The following UBAP2L variants were observed in gnomAD, a reference collection of about 807,000 sequenced individuals.
UBAP2L encodes the protein ubiquitin associated protein 2 like, also known as ubiquitin-associated protein 2-like.
UBAP2L carries 12 observed loss-of-function variants against 130.6 expected under a neutral mutation model. The ratio of observed to expected loss-of-function variants is 0.09; its 90% confidence interval spans 0.06 to 0.15. The LOEUF is 0.15. Among genes scored for constraint, UBAP2L ranks in the 10% least tolerant of loss-of-function variants. The pLI is 1.00. For synonymous variants in UBAP2L, 503 were observed against 524.7 expected (o/e 0.96, Z 0.57); for missense variants, 965 against 1,332.5 (o/e 0.72, Z 4.29).
At chr1:154,227,183 GA>G (rs1558118234) in intron 2 of UBAP2L, 98 bp from the exon 3 acceptor site, 1 of 1,007,576 alleles carries the variant, frequency 9.9e-7, no homozygotes. Context: ...TTGTTACAAG[GA>G]AAAGAAAATT....
downstream of UBAP2L, chr1:154,271,045 C>T: frequency 1.7e-6 from 2 of 1,156,494 alleles, no homozygotes; most frequent in Non-Finnish European, 1.2e-6. Flanking sequence ...GAGGGGATTT[C>T]CTTCCCCTCA....
intron 26 of UBAP2L, among the ~76,000 whole-genome samples, chr1:154,269,999 C>T (rs1276834004): frequency 6.6e-6 from 1 of 152,104 alleles, no homozygotes. Context: ...CATCTTTTCC[C>T]TATTTAAAAG....
intron 9 of UBAP2L, among the ~76,000 whole-genome samples, chr1:154,242,235 A>G (rs1000599769): frequency 1.3e-5 from 2 of 152,200 alleles, no homozygotes; most frequent in South Asian, 2.1e-4. Context: ...TATGGTTTTC[A>G]GTGATCATGG....
At chr1:154,248,926 G>C (rs957952027) in intron 11 of UBAP2L, among the ~76,000 whole-genome samples, 1 of 152,170 alleles carries the variant, frequency 6.6e-6, no homozygotes, top group Non-Finnish European at 1.5e-5. Context: ...TTTTTTTAGT[G>C]ATTACTATGT....
chr1:154,249,204 C>T, intron 11 of UBAP2L, 35 bp from the exon 12 acceptor site: 1 of 1,607,560 alleles, frequency 6.2e-7, no homozygotes, highest in Non-Finnish European at 8.5e-7. Context: ...AGGTTACTGG[C>T]TGTAGGTTTC....
At chr1:154,221,148 T>G (rs1665821115) in intron 1 of UBAP2L, 173 bp downstream of exon 1, 4 of 142,156 alleles carry the variant, frequency 2.8e-5, no homozygotes, top group Non-Finnish European at 3.1e-5. Context: ...ACACCGTGTG[T>G]TCCCCCACTG....
Position 154,261,043 on chromosome 1 carries a change from C to T in UBAP2L, c.2730C>T (p.Ser910=). Residue 910 remains serine (S), a synonymous_variant, in exon 23 of 27, where the codon AGC becomes AGT. Transcript: ENST00000428931. ...TGCCTCCTGGCTACAGTTACACCAG[C>T]CTGCCATACTATACAGGGGTCCCGG... ...PALPPGYSYT[S]LPYYTGVPGL... 1 of 1,614,228 alleles carries T rather than the reference C, an allele frequency of 6.2e-7. No homozygotes were observed. The highest frequency in any genetic ancestry group is 1.3e-5 in the African/African-American group (1 of 75,058).
intron 11 of UBAP2L, 63 bp downstream of exon 11, chr1:154,246,438 G>GTTCC: frequency 6.6e-7 from 1 of 1,523,362 alleles, no homozygotes; most frequent in Non-Finnish European, 8.9e-7. Context: ...CACATACACA[G>GTTCC]TTCCTTCCAA....
intron 9 of UBAP2L, chr1:154,242,933 T>C (rs1455830348): frequency 1.1e-4 from 17 of 151,594 alleles, no homozygotes; most frequent in Non-Finnish European, 2.3e-4. Flanking sequence ...CTTTCTTTTA[T>C]TTTTTTTTTT....
intron 3 of UBAP2L, 131 bp from the exon 4 acceptor site, chr1:154,228,484 G>A (rs1487343921): frequency 1.1e-5 from 7 of 636,396 alleles, no homozygotes; most frequent in South Asian, 9.3e-5. Flanking sequence ...ACTGTGCCCA[G>A]CCCTCATCTT....
rs1315342836 is a variant in UBAP2L at position 154,266,519 on chromosome 1, G to A, written c.2921G>A (p.Ser974Asn). ...GYNTGVSVTS[S>N]NTGVPDISGS... ...CCCCCAGGTGTTTCAGTCACCTCCA[G>A]TAACACGGGCGTGCCAGATATCTCG... Residue 974 changes from serine to asparagine, a missense_variant, in exon 25 of 27, where the codon AGT (serine) becomes AAT (asparagine). Around this residue, in one of 9 missense-constraint regions of UBAP2L, gnomAD observed 194 missense variants for 334.0 expected, o/e 0.58. Coordinates refer to ENST00000428931, the MANE Select transcript of UBAP2L (RefSeq NM_014847.4). 1 of 1,614,176 alleles carries A rather than the reference G, an allele frequency of 6.2e-7. No homozygotes were observed. Among genetic ancestry groups the A allele is most frequent in the Non-Finnish European group, 8.5e-7 (1 of 1,180,026 alleles).
chr1:154,263,064 A>G, intron 24 of UBAP2L: 1 of 1,547,880 alleles, frequency 6.5e-7, no homozygotes, highest in Non-Finnish European at 8.7e-7. Context: ...GGCTTTTGTC[A>G]TTCCATTCAT....
At chr1:154,253,543 G>A (rs556887491) in intron 14 of UBAP2L, among the ~76,000 whole-genome samples, 5 of 151,738 alleles carry the variant, frequency 3.3e-5, no homozygotes, top group African/African-American at 1.2e-4. Flanking sequence ...CACCATGCCC[G>A]GCTAATTTTT....
downstream of UBAP2L, chr1:154,271,127 C>A (rs1684659290): frequency 1.6e-6 from 1 of 612,230 alleles, no homozygotes; most frequent in Non-Finnish European, 2.8e-6. Flanking sequence ...GAAACTGCTA[C>A]ATCTACAGCC....
At position 154,253,983 on chromosome 1, in the gene UBAP2L, C is replaced by T. The variant is rs1189917182; in HGVS notation, c.1748C>T (p.Ser583Phe). Residue 583 changes from serine (S) to phenylalanine (F), a missense_variant, in exon 15 of 27, where the codon TCC becomes TTC. By Grantham distance (155) the Ser-to-Phe change is radical (BLOSUM62 -2). This residue lies in a region of UBAP2L where 393 missense variants were observed against 408.1 expected (regional missense o/e 0.96). Transcript: ENST00000428931. ...SGPIQSTTYT[S>F]QNNAQGPLYE... The stretch of plus-strand genomic sequence containing the variant: ...CCAATTCAGTCGACAACCTATACCT[C>T]CCAAAATAATGCTCAGGGCCCTCTT... 1.9e-6 allele frequency: 3 copies of T among 1,613,978 alleles called. No individual in the cohort carries two copies. Among genetic ancestry groups the T allele is most frequent in the Admixed American group, 1.7e-5 (1 of 59,990 alleles).
intron 16 of UBAP2L, 41 bp from the exon 17 acceptor site, chr1:154,255,110 CT>C (rs1267952459): frequency 1.9e-6 from 3 of 1,605,304 alleles, no homozygotes; most frequent in African/African-American, 1.3e-5. Flanking sequence ...TAGACATTCC[CT>C]TTTTTCTGAT....
intron 1 of UBAP2L, among the ~76,000 whole-genome samples, chr1:154,223,259 T>G (rs1430990475): frequency 6.6e-6 from 1 of 152,202 alleles, no homozygotes; most frequent in African/African-American, 2.4e-5. Flanking sequence ...ATCTGACTGG[T>G]ACAGTATATG....
intron 15 of UBAP2L, chr1:154,254,585 A>G (rs932345885): frequency 2.2e-5 from 12 of 556,016 alleles, no homozygotes; most frequent in Admixed American, 1.8e-4. Flanking sequence ...GGTGTCTTCA[A>G]CAATTTGTAG....
At chr1:154,253,200 C>T (rs904377329) in intron 14 of UBAP2L, among the ~76,000 whole-genome samples, 18 of 151,880 alleles carry the variant, frequency 1.2e-4, no homozygotes, top group African/African-American at 4.1e-4. Context: ...GACAAGGTTT[C>T]GCCATGTTGG....
Sources: gnomAD v4.1 joint callset for allele counts (sites outside exome capture counted in the v4.1 genomes callset) on GRCh38, gnomAD v4.1.1 for gene constraint, gnomAD v4.1.1 regional missense constraint, MANE v1.5 for transcripts, NCBI Gene and HGNC (gene_info 2026-07-23, HGNC 2026-07-21) for gene names.